The following MAF variants were observed in gnomAD, a reference collection of about 807,000 sequenced individuals.
MAF encodes the protein transcription factor Maf.
A neutral mutation model predicts 22.0 loss-of-function variants in MAF; 10 were observed. The ratio of observed to expected loss-of-function variants is 0.45; its 90% CI spans 0.28 to 0.77. The LOEUF is 0.77. MAF is among the 30% of genes least tolerant of loss of function. MAF has a pLI of 0.12. For missense variants in MAF, 544 were observed against 548.4 expected, an observed-to-expected ratio of 0.99 and a Z score of 0.08; for synonymous variants, 337 against 255.8, an observed-to-expected ratio of 1.32 and a Z score of -3.03.
chr16:79,230,794 C>T, the MAF span, among the ~76,000 whole-genome samples: 1 of 152,026 alleles, frequency 6.6e-6, no homozygotes, highest in Non-Finnish European at 1.5e-5. Context: ...GTACTTATTG[C>T]ATAGCAAGAC....
chr16:79,402,656 G>A, the MAF span, among the ~76,000 whole-genome samples: 78 of 152,358 alleles, frequency 5.1e-4, no homozygotes, highest in Middle Eastern at 3.4e-3. Flanking sequence ...TGCCAGGGGT[G>A]CGGTTGGATA....
At chr16:79,437,821 A>C in the MAF span, among the ~76,000 whole-genome samples, 1 of 152,120 alleles carries the variant, frequency 6.6e-6, no homozygotes, top group Non-Finnish European at 1.5e-5. Flanking sequence ...TCACAACAGA[A>C]ACTTCTGCCT....
chr16:79,597,489 A>G (rs1224285500), intron 1 of MAF: 1 of 1,024,740 alleles, frequency 9.8e-7, no homozygotes, highest in Non-Finnish European at 1.2e-6. Context: ...CTTATTAAAA[A>G]GAAAACATTA....
At chr16:79,252,047 C>A in the MAF span, among the ~76,000 whole-genome samples, 1 of 152,264 alleles carries the variant, frequency 6.6e-6, no homozygotes, top group Admixed American at 6.5e-5. Flanking sequence ...ACCCACTGGT[C>A]TATGCCGTCC....
At chr16:79,274,732 G>C in the MAF span, among the ~76,000 whole-genome samples, 2 of 152,178 alleles carry the variant, frequency 1.3e-5, no homozygotes, top group Admixed American at 6.5e-5. Context: ...TGCCAAGTCA[G>C]GGCAGTCAGG....
At chr16:79,299,896 C>T in the MAF span, among the ~76,000 whole-genome samples, 2 of 152,226 alleles carry the variant, frequency 1.3e-5, no homozygotes, top group African/African-American at 4.8e-5. Context: ...CCATCTCTTT[C>T]ACCCTAAAAA....
chr16:79,210,570 T>C, the MAF span, among the ~76,000 whole-genome samples: 1 of 152,154 alleles, frequency 6.6e-6, no homozygotes, highest in Non-Finnish European at 1.5e-5. Flanking sequence ...GCAACCCCTC[T>C]CCCTCTCATC....
chr16:79,567,795 T>C, the MAF span, among the ~76,000 whole-genome samples: 3 of 152,220 alleles, frequency 2.0e-5, no homozygotes, highest in African/African-American at 7.2e-5. Context: ...GTGTGCAAAA[T>C]ACCTTCTAGT....
At chr16:79,445,268 C>A in the MAF span, among the ~76,000 whole-genome samples, 6 of 151,854 alleles carry the variant, frequency 4.0e-5, no homozygotes, top group South Asian at 6.2e-4. Flanking sequence ...TGGTCTGGAT[C>A]TCCTGACCTC....
the MAF span, among the ~76,000 whole-genome samples, chr16:79,218,198 A>C: frequency 6.6e-6 from 1 of 151,886 alleles, no homozygotes. Flanking sequence ...CCTTTCAAGG[A>C]TTCATGGTAT....
rs139380519 is a variant in MAF at position 79,599,042 on chromosome 16, G to C, written c.861C>G (p.Ile287Met). 38 of 1,612,858 alleles carry C rather than the reference G, an allele frequency of 2.4e-5. No homozygotes were observed. The highest frequency in any genetic ancestry group is 1.1e-4 in the African/African-American group (8 of 74,840). Residue 287 changes from isoleucine to methionine, a missense_variant, in exon 1 of 2, where the codon ATC becomes ATG. This residue lies in a region of MAF where 342 missense variants were observed against 315.5 expected (regional missense o/e 1.08). Transcript: ENST00000326043. ...QLRGVSKEEV[I>M]RLKQKRRTLK... ...GGGTCCGCCTCTTCTGCTTCAGCCG[G>C]ATCACCTCCTCCTTGCTGACCCCGC...
the MAF span, among the ~76,000 whole-genome samples, chr16:79,219,711 G>C: frequency 1.3e-5 from 2 of 152,024 alleles, no homozygotes; most frequent in African/African-American, 4.8e-5. Context: ...ATTTGTCTCT[G>C]ACCCCGTTCC....
chr16:79,407,219 C>A, the MAF span, among the ~76,000 whole-genome samples: 1 of 152,144 alleles, frequency 6.6e-6, no homozygotes, highest in African/African-American at 2.4e-5. Context: ...CCTCGGTGTC[C>A]TGGACGCGTT....
At chr16:79,207,518 C>A in the MAF span, among the ~76,000 whole-genome samples, 2 of 152,234 alleles carry the variant, frequency 1.3e-5, no homozygotes, top group Non-Finnish European at 2.9e-5. Context: ...ATTAATTCAG[C>A]ATTTGCTGTG....
chr16:79,489,902 G>A, the MAF span, among the ~76,000 whole-genome samples: 8 of 152,120 alleles, frequency 5.3e-5, no homozygotes, highest in Non-Finnish European at 1.2e-4. Context: ...CCCCGGCAAT[G>A]TCCAGAAGCT....
At chr16:79,574,833 T>C in the MAF span, among the ~76,000 whole-genome samples, 1 of 152,220 alleles carries the variant, frequency 6.6e-6, no homozygotes, top group East Asian at 1.9e-4. Context: ...GCAGGGGAAA[T>C]GCAAAGCAAC....
At chr16:79,426,729 C>T in the MAF span, among the ~76,000 whole-genome samples, 101,284 of 152,154 alleles carry the variant, frequency 0.67, 34,671 homozygotes, top group East Asian at 0.92. Context: ...TGTAGCTTAG[C>T]TTAATCTAGG....
At chr16:79,298,105 G>A in the MAF span, among the ~76,000 whole-genome samples, 3 of 152,200 alleles carry the variant, frequency 2.0e-5, no homozygotes, top group Admixed American at 6.5e-5. Context: ...ACCAAGGGCC[G>A]GGTGCCACTG....
At chr16:79,291,665 G>C in the MAF span, among the ~76,000 whole-genome samples, 1 of 151,370 alleles carries the variant, frequency 6.6e-6, no homozygotes, top group East Asian at 2.0e-4. Flanking sequence ...TGACTAGCCA[G>C]CTACCCATGA....
Sources: gnomAD v4.1 joint callset for allele counts (sites outside exome capture counted in the v4.1 genomes callset) on GRCh38, gnomAD v4.1.1 for gene constraint, gnomAD v4.1.1 regional missense constraint, MANE v1.5 for transcripts, NCBI Gene and HGNC (gene_info 2026-07-23, HGNC 2026-07-21) for gene names.